The following FBXL17 variants were observed in gnomAD, a reference collection of about 807,000 sequenced individuals.
FBXL17 encodes F-box/LRR-repeat protein 17.
In FBXL17, 22 loss-of-function variants were observed where a neutral mutation model predicts 66.2. The observed-to-expected ratio is 0.33, with a 90% CI of 0.24 to 0.47. The LOEUF is 0.47. Ranked by LOEUF, FBXL17 falls within the 20% of genes least tolerant of loss-of-function variation. The pLI, the probability that FBXL17 is intolerant of heterozygous loss-of-function variation, is 1.00. For synonymous variants in FBXL17, 474 were observed against 400.5 expected (o/e 1.18, Z -2.19); for missense variants, 878 against 948.2 (o/e 0.93, Z 0.97).
chr5:107,873,758 C>T (rs925952177), intron 8 of FBXL17, among the ~76,000 whole-genome samples: 3 of 152,154 alleles, frequency 2.0e-5, no homozygotes, highest in African/African-American at 7.2e-5. Flanking sequence ...ATCTAATTCT[C>T]TCATATAATT....
chr5:107,882,741 C>A (rs954945187), intron 7 of FBXL17, among the ~76,000 whole-genome samples: 10 of 152,142 alleles, frequency 6.6e-5, no homozygotes, highest in Admixed American at 6.5e-5. Context: ...TCCTGAAGAT[C>A]TGCTAAGAAA....
intron 7 of FBXL17, among the ~76,000 whole-genome samples, chr5:107,957,311 G>C (rs1751701366): frequency 6.6e-6 from 1 of 152,012 alleles, no homozygotes; most frequent in Admixed American, 6.6e-5. Flanking sequence ...CAGCCAATTA[G>C]TGTGATGAGG....
intron 6 of FBXL17, among the ~76,000 whole-genome samples, chr5:108,180,812 T>A (rs1033361410): frequency 3.5e-4 from 53 of 152,262 alleles, no homozygotes; most frequent in African/African-American, 1.2e-3. Context: ...ATTATTTTTC[T>A]ATATTGTTCT....
At chr5:108,320,987 T>C (rs184737250) in intron 4 of FBXL17, among the ~76,000 whole-genome samples, 107 of 151,942 alleles carry the variant, frequency 7.0e-4, no homozygotes, top group African/African-American at 2.5e-3. Flanking sequence ...AATTACCAAC[T>C]AGTACACCTA....
chr5:107,954,080 A>G (rs1751584638), intron 7 of FBXL17, among the ~76,000 whole-genome samples: 1 of 152,234 alleles, frequency 6.6e-6, no homozygotes, highest in Non-Finnish European at 1.5e-5. Context: ...ATTGGCTGAC[A>G]TATCTCTAAA....
At chr5:108,052,769 A>G (rs1290201576) in intron 6 of FBXL17, among the ~76,000 whole-genome samples, 4 of 152,230 alleles carry the variant, frequency 2.6e-5, no homozygotes, top group African/African-American at 9.6e-5. Context: ...ACAAAACTAG[A>G]GGCATCATGC....
rs551371907 is a variant in FBXL17, at chr5:108,183,181, C to T, written c.1745+2936G>A. On this transcript the variant is annotated intron_variant, in intron 6 of 8. Transcript: ENST00000542267. ...TCAGCCTCCAGAGTAGCCGGGATTA[C>T]AGGCATGTGCCACCATGCCCAGCTA... 1.4e-4 allele frequency among the ~76,000 whole-genome samples: 21 copies of T among 151,996 alleles called. No individual in the cohort carries two copies. In the East Asian group the frequency reaches 4.1e-3, roughly 30 times the overall value.
At chr5:108,136,334 G>A (rs1019487669) in intron 6 of FBXL17, among the ~76,000 whole-genome samples, 3 of 151,972 alleles carry the variant, frequency 2.0e-5, no homozygotes, top group Admixed American at 6.6e-5. Context: ...ACATACTTTA[G>A]CTTGGTAAAT....
chr5:108,162,628 G>GTT (rs1752258761), intron 6 of FBXL17, among the ~76,000 whole-genome samples: 1 of 152,306 alleles, frequency 6.6e-6, no homozygotes, highest in East Asian at 1.9e-4. Context: ...ACAGTGATAT[G>GTT]TGAATAATGT....
intron 8 of FBXL17, among the ~76,000 whole-genome samples, chr5:107,870,278 G>C (rs1241835064): frequency 6.6e-6 from 1 of 152,230 alleles, no homozygotes; most frequent in Non-Finnish European, 1.5e-5. Context: ...ACACCTCTGA[G>C]CTAGAGGTTC....
chr5:107,904,608 C>CACAG (rs752350404), intron 7 of FBXL17, among the ~76,000 whole-genome samples: 1 of 152,044 alleles, frequency 6.6e-6, no homozygotes, highest in Non-Finnish European at 1.5e-5. Context: ...AGAGCAAAAG[C>CACAG]ACAGACATCA....
intron 7 of FBXL17, among the ~76,000 whole-genome samples, chr5:107,900,454 C>A (rs1749534958): frequency 6.6e-6 from 1 of 152,054 alleles, no homozygotes; most frequent in African/African-American, 2.4e-5. Flanking sequence ...TTAAGAAATG[C>A]AATTTATCCT....
intron 6 of FBXL17, among the ~76,000 whole-genome samples, chr5:108,034,977 A>G (rs536572041): frequency 1.2e-3 from 184 of 152,262 alleles, no homozygotes; most frequent in African/African-American, 4.3e-3. Flanking sequence ...ATGAAAGACT[A>G]TTCACAGGAA....
At chr5:108,270,426 AATT>A (rs1301442006) in intron 4 of FBXL17, among the ~76,000 whole-genome samples, 3 of 135,304 alleles carry the variant, frequency 2.2e-5, no homozygotes, top group Non-Finnish European at 3.4e-5. Context: ...ATCATATTTT[AATT>A]ATATTTATAA....
At chr5:108,035,614 G>A (rs1002166306) in intron 6 of FBXL17, among the ~76,000 whole-genome samples, 9 of 152,004 alleles carry the variant, frequency 5.9e-5, no homozygotes, top group South Asian at 2.1e-4. Flanking sequence ...TGATCCACCC[G>A]CCTCGGCCTC....
At chr5:108,294,272 T>C (rs1758252011) in intron 4 of FBXL17, among the ~76,000 whole-genome samples, 2 of 130,496 alleles carry the variant, frequency 1.5e-5, no homozygotes, top group Non-Finnish European at 3.2e-5. Context: ...AACATATATA[T>C]ATATATACTG....
At chr5:108,224,498 CCTCT>C (rs1554076740) in intron 4 of FBXL17, among the ~76,000 whole-genome samples, 2 of 151,134 alleles carry the variant, frequency 1.3e-5, no homozygotes, top group South Asian at 2.1e-4. Context: ...TTCTCCCCTC[CCTCT>C]GTGTGTGTAT....
chr5:108,279,284 AGCCCT>A (rs1231549994), intron 4 of FBXL17, among the ~76,000 whole-genome samples: 1 of 152,146 alleles, frequency 6.6e-6, no homozygotes, highest in Non-Finnish European at 1.5e-5. Context: ...CAGTGTTCAA[AGCCCT>A]GGGAACAAAA....
chr5:107,881,572 C>T (rs192603410), intron 7 of FBXL17, among the ~76,000 whole-genome samples: 23 of 152,092 alleles, frequency 1.5e-4, no homozygotes, highest in African/African-American at 2.7e-4. Context: ...GAAGAACCCA[C>T]GTAAACACCA....
Sources: gnomAD v4.1 joint callset for allele counts (sites outside exome capture counted in the v4.1 genomes callset) on GRCh38, gnomAD v4.1.1 for gene constraint, MANE v1.5 for transcripts, NCBI Gene and HGNC (gene_info 2026-07-23, HGNC 2026-07-21) for gene names.